METTL16: variants seen among roughly 807,000 people sequenced by gnomAD.
The protein encoded by METTL16 is methyltransferase 16, RNA N6-adenosine, also known as RNA N(6)-adenosine-methyltransferase METTL16.
A neutral mutation model predicts 57.9 loss-of-function variants in METTL16; 19 were observed. The ratio of observed to expected loss-of-function variants is 0.33; its 90% confidence interval spans 0.23 to 0.48. The LOEUF (loss-of-function observed/expected upper bound fraction) is 0.48, where lower values mean the gene tolerates loss of function less well. Among genes scored for constraint, METTL16 ranks in the 20% least tolerant of loss-of-function variants. METTL16 has a pLI of 0.99. For missense variants in METTL16, 434 were observed against 691.5 expected (o/e 0.63, Z 4.18); for synonymous variants, 246 against 255.6 (o/e 0.96, Z 0.36).
intron 4 of METTL16, among the ~76,000 whole-genome samples, chr17:2,469,720 G>C (rs2151566274): frequency 6.6e-6 from 1 of 152,174 alleles, no homozygotes; most frequent in South Asian, 2.1e-4. Context: ...AGATGGAGTT[G>C]CACCATGTTG....
At chr17:2,507,693 A>G (rs1472183591) in intron 1 of METTL16, among the ~76,000 whole-genome samples, 1 of 152,242 alleles carries the variant, frequency 6.6e-6, no homozygotes, top group African/African-American at 2.4e-5. Flanking sequence ...AAAGGGGGAA[A>G]GGTGGGGAAA....
chr17:2,468,480 C>T (rs1418256253), intron 4 of METTL16, among the ~76,000 whole-genome samples: 1 of 152,140 alleles, frequency 6.6e-6, no homozygotes, highest in Non-Finnish European at 1.5e-5. Context: ...GTAGCTCTAG[C>T]CAACAACTTG....
intron 6 of METTL16, among the ~76,000 whole-genome samples, chr17:2,462,203 G>A (rs939378707): frequency 1.3e-5 from 2 of 152,076 alleles, no homozygotes; most frequent in Non-Finnish European, 2.9e-5. Context: ...AAAACATGAC[G>A]AAAAGTGAAA....
At chr17:2,447,262 G>GGGC (rs1567889134) in intron 6 of METTL16, among the ~76,000 whole-genome samples, 1 of 147,028 alleles carries the variant, frequency 6.8e-6, no homozygotes, top group East Asian at 2.0e-4. Flanking sequence ...GAGCGCCTCT[G>GGGC]CTGGCCGCAA....
intron 6 of METTL16, among the ~76,000 whole-genome samples, chr17:2,453,042 T>C (rs976412152): frequency 5.3e-5 from 8 of 152,090 alleles, no homozygotes; most frequent in Admixed American, 5.2e-4. Context: ...GTATTTTCCC[T>C]AGAGACAGGG....
In METTL16 at chr17:2,442,607, G is replaced by A. The variant is rs565258941; in HGVS notation, c.729-1048C>T. ...TGAAAACAAATTTTCTTGAAGTCAAGAAAAAAAGAAGACAGAACTCTCAGT... is the reference window on the plus strand; with the variant it reads ...TGAAAACAAATTTTCTTGAAGTCAAAAAAAAAAGAAGACAGAACTCTCAGT... On this transcript the variant is annotated intron_variant, in intron 6 of 9. Transcript: ENST00000263092. Among the ~76,000 whole-genome samples the A allele has an allele frequency of 2.0e-5, 3 of 151,992 alleles. No individual in the cohort carries two copies. In the South Asian group the frequency reaches 6.2e-4, roughly 31 times the overall value.
intron 1 of METTL16, among the ~76,000 whole-genome samples, chr17:2,504,626 C>T (rs1042270890): frequency 6.6e-6 from 1 of 152,180 alleles, no homozygotes; most frequent in Admixed American, 6.5e-5. Flanking sequence ...CACAATCATA[C>T]CTCACTGCAG....
chr17:2,465,460 T>C (rs2151564049), intron 5 of METTL16, among the ~76,000 whole-genome samples: 1 of 144,900 alleles, frequency 6.9e-6, no homozygotes, highest in South Asian at 2.2e-4. Flanking sequence ...GGCAGGAGAA[T>C]CGCTTGAATC....
chr17:2,426,728 CAAAAAAAAAAAAAA>C (rs778818177), intron 8 of METTL16, among the ~76,000 whole-genome samples: 3 of 35,176 alleles, frequency 8.5e-5, no homozygotes, highest in African/African-American at 2.0e-4. Context: ...GACTCCGTCT[CAAAAAAAAAAAAAA>C]AAAAAAAAAA....
intron 6 of METTL16, among the ~76,000 whole-genome samples, chr17:2,461,108 G>A (rs554303983): frequency 1.1e-4 from 16 of 151,926 alleles, no homozygotes; most frequent in African/African-American, 2.4e-4. Flanking sequence ...ATCCTAACAC[G>A]TTGGGAGGCT....
At chr17:2,500,873 T>C (rs376763936) in intron 2 of METTL16, among the ~76,000 whole-genome samples, 56 of 152,224 alleles carry the variant, frequency 3.7e-4, no homozygotes, top group Admixed American at 2.0e-3. Context: ...TCCCAGCACT[T>C]TGGGAAGCCA....
intron 2 of METTL16, among the ~76,000 whole-genome samples, chr17:2,479,087 A>C (rs934348779): frequency 6.6e-6 from 1 of 152,226 alleles, no homozygotes; most frequent in Non-Finnish European, 1.5e-5. Flanking sequence ...AAATACTGCT[A>C]AACTGAAAAT....
chr17:2,494,525 G>A (rs376282782), intron 2 of METTL16, among the ~76,000 whole-genome samples: 1 of 152,114 alleles, frequency 6.6e-6, no homozygotes, highest in Non-Finnish European at 1.5e-5. Flanking sequence ...AAACTTTGTT[G>A]TGGTGATTTA....
intron 6 of METTL16, among the ~76,000 whole-genome samples, chr17:2,454,563 A>AT (rs5818860): frequency 0.073 from 9,265 of 126,160 alleles, 430 homozygotes; most frequent in South Asian, 0.12. Flanking sequence ...TATTATTATT[A>AT]TTTTTTTTTT....
At chr17:2,464,824 GATTAATTTTCATTAAGAAA>G (rs142961328) in intron 5 of METTL16, among the ~76,000 whole-genome samples, 5,141 of 152,152 alleles carry the variant, frequency 0.034, 297 homozygotes, top group African/African-American at 0.12. Flanking sequence ...CATGAGCTTG[GATTAATTTTCATTAAGAAA>G]ATTAATTTTC....
At chr17:2,473,729 A>G in intron 3 of METTL16, 65 bp from the exon 4 acceptor site, 1 of 1,502,796 alleles carries the variant, frequency 6.7e-7, no homozygotes, top group Non-Finnish European at 9.1e-7. Flanking sequence ...TAATCATGAA[A>G]ACACCATTCT....
intron 6 of METTL16, among the ~76,000 whole-genome samples, chr17:2,457,023 G>C (rs956029477): frequency 6.6e-6 from 1 of 151,196 alleles, no homozygotes; most frequent in Non-Finnish European, 1.5e-5. Context: ...TTGTTTAAGA[G>C]ATAACAAAAT....
intron 2 of METTL16, among the ~76,000 whole-genome samples, chr17:2,498,965 G>A (rs2067467093): frequency 6.6e-6 from 1 of 151,612 alleles, no homozygotes; most frequent in African/African-American, 2.4e-5. Flanking sequence ...ACATGCTGCT[G>A]CCTCTGCCTG....
At chr17:2,442,351 C>A (rs989383321) in intron 6 of METTL16, among the ~76,000 whole-genome samples, 2 of 152,158 alleles carry the variant, frequency 1.3e-5, no homozygotes, top group Non-Finnish European at 2.9e-5. Context: ...TCCCAGACTG[C>A]AGTACAGGGA....
Sources: gnomAD v4.1 joint callset for allele counts (sites outside exome capture counted in the v4.1 genomes callset) on GRCh38, gnomAD v4.1.1 for gene constraint, MANE v1.5 for transcripts, NCBI Gene and HGNC (gene_info 2026-07-23, HGNC 2026-07-21) for gene names.